PSMD1: variants seen among roughly 807,000 people sequenced by gnomAD.
PSMD1 encodes 26S proteasome non-ATPase regulatory subunit 1.
PSMD1 carries 18 observed loss-of-function variants against 119.0 expected under a neutral mutation model. The observed-to-expected ratio is 0.15, with a 90% CI of 0.10 to 0.22. The LOEUF is 0.22. Among genes scored for constraint, PSMD1 ranks in the 10% least tolerant of loss-of-function variants. The pLI, the probability that PSMD1 is intolerant of heterozygous loss-of-function variation, is 1.00. For synonymous variants in PSMD1, 374 were observed against 396.6 expected, an observed-to-expected ratio of 0.94 and a Z score of 0.68; for missense variants, 702 against 1,158.5, an observed-to-expected ratio of 0.61 and a Z score of 5.72.
At chr2:231,162,925 G>A (rs887122988) in intron 20 of PSMD1, among the ~76,000 whole-genome samples, 22 of 150,744 alleles carry the variant, frequency 1.5e-4, no homozygotes, top group East Asian at 5.9e-4. Context: ...GTGAAACCCC[G>A]TCTCTACTAA....
chr2:231,081,170 T>G (rs377355094), intron 12 of PSMD1, among the ~76,000 whole-genome samples: 124 of 140,558 alleles, frequency 8.8e-4, no homozygotes, highest in African/African-American at 2.9e-3. Flanking sequence ...AAAAAAAGAT[T>G]GAAGCCAATA....
rs140395287 is a variant in PSMD1 at position 231,078,005 on chromosome 2, C to T, written c.1072-654C>T. Among the ~76,000 whole-genome samples the T allele has an allele frequency of 6.1e-3, 934 of 152,334 alleles. 14 individuals carry two copies. The highest frequency in any genetic ancestry group is 0.021 in the African/African-American group (877 of 41,582). Reference sequence around the variant, plus strand: ...AAATTTGACCAGGCACGATGGCTTACGCCTATAATCCCAGCACTCTGGGAG... The same window carrying T: ...AAATTTGACCAGGCACGATGGCTTATGCCTATAATCCCAGCACTCTGGGAG... On this transcript the variant is annotated intron_variant, in intron 9 of 24. Transcript: ENST00000308696.
chr2:231,073,178 A>G (rs931305375), intron 7 of PSMD1, among the ~76,000 whole-genome samples: 5 of 152,188 alleles, frequency 3.3e-5, no homozygotes, highest in African/African-American at 1.2e-4. Flanking sequence ...GCTGTTTTAT[A>G]TGGGTGTGGT....
Position 231,065,177 on chromosome 2 carries a change from A to G in PSMD1, c.305-1729A>G, listed in dbSNP as rs1048375126. On this transcript the variant is annotated intron_variant, in intron 4 of 24. Transcript: ENST00000308696. ...TAATAAATCTTGCCCTCGTCTTCTT[A>G]CTTATCTTTGAAAGGGAAAGAAACA... Among the ~76,000 whole-genome samples the G allele has an allele frequency of 4.3e-4, 65 of 151,506 alleles. 1 individual carries two copies. The highest frequency in any genetic ancestry group is 1.5e-3 in the African/African-American group (63 of 41,232).
intron 19 of PSMD1, among the ~76,000 whole-genome samples, chr2:231,160,218 T>C (rs1559253972): frequency 6.6e-6 from 1 of 152,234 alleles, no homozygotes; most frequent in African/African-American, 2.4e-5. Flanking sequence ...TTGTAAGTGG[T>C]AGTGCTCTCG....
chr2:231,168,240 GA>G (rs1188147988), intron 23 of PSMD1, among the ~76,000 whole-genome samples: 1 of 152,080 alleles, frequency 6.6e-6, no homozygotes, highest in African/African-American at 2.4e-5. Context: ...AGCCACAGTG[GA>G]AAAAAAGAAT....
chr2:231,170,848 A>ACCT lies in PSMD1; in HGVS notation c.*9+127_*9+128insCCT. 9.6e-7 allele frequency: 1 copy of ACCT among 1,040,838 alleles called. No individual in the cohort carries two copies. The highest frequency in any genetic ancestry group is 1.3e-6 in the Non-Finnish European group (1 of 753,142). The allele number at this position is 1,040,838 out of a possible 1,614,324, so 64.5% of individuals were successfully genotyped here. A position where few individuals can be genotyped will look rare whatever the true frequency, so the allele number is the denominator to read the frequency against. ...AATCCTTATTTACCTAAACAGTATT[A>ACCT]AAACTTCCCCGTTTCAACCTTTTTC... On this transcript the variant is annotated intron_variant, in intron 24 of 24. Coordinates refer to ENST00000308696, the MANE Select transcript of PSMD1 (RefSeq NM_002807.4). The surrounding 1 kb of genome is among the most constrained non-coding windows in gnomAD (Gnocchi z 4.1).
At position 231,170,840 on chromosome 2, in the gene PSMD1, A is replaced by G. The variant is rs1696895994; in HGVS notation, c.*9+119A>G. The stretch of plus-strand genomic sequence containing the variant: ...TTGTGTTTAATCCTTATTTACCTAA[A>G]CAGTATTAAAACTTCCCCGTTTCAA... On this transcript the variant is annotated intron_variant, in intron 24 of 24. Coordinates refer to ENST00000308696, the MANE Select transcript of PSMD1 (RefSeq NM_002807.4). This position sits in a 1 kb window ranked among gnomAD's most constrained non-coding sequence, Gnocchi z 4.1. 8.8e-7 allele frequency: 1 copy of G among 1,142,416 alleles called. No individual in the cohort carries two copies. Among genetic ancestry groups the G allele is most frequent in the African/African-American group, 1.6e-5 (1 of 62,322 alleles). 70.8% of individuals were successfully genotyped at this position (1,142,416 alleles called of 1,614,324 possible). A position where few individuals can be genotyped will look rare whatever the true frequency, so the allele number is the denominator to read the frequency against.
At chr2:231,081,328 AAC>A (rs1057254942) in intron 12 of PSMD1, among the ~76,000 whole-genome samples, 1 of 152,038 alleles carries the variant, frequency 6.6e-6, no homozygotes, top group Admixed American at 6.5e-5. Flanking sequence ...ACAAAACAAA[AAC>A]AGCAATAGAC....
intron 16 of PSMD1, among the ~76,000 whole-genome samples, chr2:231,089,374 T>C (rs1191847308): frequency 6.6e-6 from 1 of 152,120 alleles, no homozygotes; most frequent in Non-Finnish European, 1.5e-5. Flanking sequence ...AGAGGAGAAG[T>C]CAATTCCTGG....
intron 16 of PSMD1, among the ~76,000 whole-genome samples, chr2:231,111,035 T>C (rs1695140861): frequency 6.6e-6 from 1 of 152,240 alleles, no homozygotes; most frequent in Admixed American, 6.5e-5. Flanking sequence ...CTTCTCCATC[T>C]TGCTTTTCTG....
intron 16 of PSMD1, among the ~76,000 whole-genome samples, chr2:231,092,637 A>G (rs796314096): frequency 5.3e-5 from 8 of 152,300 alleles, no homozygotes; most frequent in African/African-American, 1.9e-4. Context: ...GCCACGATGG[A>G]TGAGGACATC....
At chr2:231,171,515 T>G (rs879666992) in intron 24 of PSMD1, among the ~76,000 whole-genome samples, 10 of 151,868 alleles carry the variant, frequency 6.6e-5, no homozygotes, top group Non-Finnish European at 1.5e-4. Context: ...CAAGGTTTCC[T>G]AATTCCACCC....
chr2:231,061,336 G>C (rs1292648785), intron 2 of PSMD1, 26 bp downstream of exon 2: 1 of 1,537,408 alleles, frequency 6.5e-7, no homozygotes, highest in East Asian at 2.3e-5. Context: ...TAAGTAACTA[G>C]GCTTAGTGTG....
chr2:231,128,505 C>T (rs1456426231), intron 16 of PSMD1, among the ~76,000 whole-genome samples: 1 of 152,228 alleles, frequency 6.6e-6, no homozygotes, highest in East Asian at 1.9e-4. Context: ...TCATTCTCTT[C>T]TGACTGCCTG....
intron 21 of PSMD1, 112 bp from the exon 22 acceptor site, chr2:231,165,088 A>ATATATATATATATATATG (rs1696745204): frequency 6.6e-6 from 1 of 152,162 alleles, no homozygotes; most frequent in Non-Finnish European, 1.3e-5. Context: ...ATATATATAT[A>ATATATATATATATATATG]TATGTAATAC....
intron 23 of PSMD1, among the ~76,000 whole-genome samples, chr2:231,166,412 C>T (rs1696786221): frequency 6.6e-6 from 1 of 152,148 alleles, no homozygotes; most frequent in Non-Finnish European, 1.5e-5. Context: ...GATTACCATC[C>T]CTGACTCAGA....
chr2:231,131,088 G>A (rs960039516), intron 16 of PSMD1, among the ~76,000 whole-genome samples: 1 of 152,116 alleles, frequency 6.6e-6, no homozygotes, highest in African/African-American at 2.4e-5. Context: ...ATTTGTTGAA[G>A]AAACCAGTTA....
At chr2:231,162,710 C>G (rs996996264) in intron 20 of PSMD1, among the ~76,000 whole-genome samples, 16 of 151,756 alleles carry the variant, frequency 1.1e-4, no homozygotes, top group Admixed American at 9.2e-4. Context: ...ATCTGTAGTC[C>G]CAGCTGCTTG....
Sources: allele counts gnomAD v4.1 joint callset (sites outside exome capture counted in the v4.1 genomes callset), GRCh38; gene constraint gnomAD v4.1.1; non-coding constraint Gnocchi (gnomAD v3.1); transcripts MANE v1.5; gene names NCBI Gene and HGNC (gene_info 2026-07-23, HGNC 2026-07-21).